PRKG1: variants seen among roughly 807,000 people sequenced by gnomAD.
PRKG1 encodes the protein cGMP-dependent protein kinase 1.
A neutral mutation model predicts 88.1 loss-of-function variants in PRKG1; 35 were observed. That is an observed-to-expected ratio of 0.40 (90% CI 0.30 to 0.53). The LOEUF (loss-of-function observed/expected upper bound fraction) is 0.53. Ranked by LOEUF, PRKG1 falls within the 20% of genes least tolerant of loss-of-function variation. The pLI, the probability that PRKG1 is intolerant of heterozygous loss-of-function variation, is 0.59. For missense variants in PRKG1, 540 were observed against 839.8 expected (o/e 0.64, Z 4.41); for synonymous variants, 303 against 292.5 (o/e 1.04, Z -0.37).
chr10:51,100,977 A>G (rs938042384), intron 1 of PRKG1, among the ~76,000 whole-genome samples: 2 of 152,200 alleles, frequency 1.3e-5, no homozygotes, highest in Non-Finnish European at 2.9e-5. Context: ...TTGAACCAAC[A>G]TGAGGATGAA....
intron 3 of PRKG1, among the ~76,000 whole-genome samples, chr10:51,650,344 G>T (rs1238199042): frequency 1.3e-5 from 2 of 151,994 alleles, no homozygotes; most frequent in East Asian, 3.9e-4. Context: ...CATCTCAATT[G>T]TGTACTCCTT....
chr10:51,364,599 G>GA, intron 2 of PRKG1, among the ~76,000 whole-genome samples: 1 of 151,794 alleles, frequency 6.6e-6, no homozygotes, highest in East Asian at 1.9e-4. Flanking sequence ...AAATAAGAGG[G>GA]AAAAACCTAA....
chr10:51,253,344 C>T (rs1465706122), intron 2 of PRKG1, among the ~76,000 whole-genome samples: 1 of 151,746 alleles, frequency 6.6e-6, no homozygotes, highest in African/African-American at 2.4e-5. Context: ...CCTTGTAAAC[C>T]TTCTGTGCTG....
chr10:51,015,802 G>A (rs947356897), intron 1 of PRKG1, among the ~76,000 whole-genome samples: 6 of 152,168 alleles, frequency 3.9e-5, no homozygotes, highest in African/African-American at 7.2e-5. Flanking sequence ...CAGGAGAATC[G>A]CTTGAACCTG....
At chr10:51,760,506 C>T (rs1284108448) in intron 3 of PRKG1, among the ~76,000 whole-genome samples, 4 of 150,918 alleles carry the variant, frequency 2.7e-5, no homozygotes, top group African/African-American at 9.8e-5. Flanking sequence ...AAGTCTTGCC[C>T]TGTCACTCAG....
chr10:51,737,740 A>AATTAATTATTATT lies in PRKG1; in HGVS notation c.593-66841_593-66840insATTATTATTATTA, dbSNP rs1554837023. Among the ~76,000 whole-genome samples the AATTAATTATTATT allele has an allele frequency of 6.7e-5, 9 of 133,422 alleles. No homozygotes were observed. The East Asian group carries it at 2.0e-3, about 29-fold the overall frequency. The allele number at this position is 133,422 out of a possible 152,430, so 87.5% of individuals were successfully genotyped here. A position where few individuals can be genotyped will look rare whatever the true frequency, so the allele number is the denominator to read the frequency against. ...TTATTTATTTATTTATTTATTTATT[A>AATTAATTATTATT]ATTATTATTATTATTATTATTATTA... On this transcript the variant is annotated intron_variant, in intron 3 of 17. Transcript: ENST00000373980.
chr10:52,179,519 T>A (rs1436853725), intron 9 of PRKG1, among the ~76,000 whole-genome samples: 1 of 152,190 alleles, frequency 6.6e-6, no homozygotes, highest in Non-Finnish European at 1.5e-5. Flanking sequence ...TTTTTAGAAT[T>A]CATTCTTTGT....
chr10:52,118,963 A>G (rs1847752118), intron 7 of PRKG1, among the ~76,000 whole-genome samples: 1 of 152,150 alleles, frequency 6.6e-6, no homozygotes, highest in South Asian at 2.1e-4. Context: ...CATTTATGAT[A>G]TATGGTTTTA....
intron 4 of PRKG1, among the ~76,000 whole-genome samples, chr10:51,901,515 C>A (rs777670285): frequency 9.2e-5 from 14 of 152,290 alleles, no homozygotes; most frequent in South Asian, 2.1e-4. Flanking sequence ...ACAAAGCCAA[C>A]TTTACAGGGT....
At chr10:51,090,549 A>G (rs1165136501) in intron 1 of PRKG1, among the ~76,000 whole-genome samples, 1 of 152,188 alleles carries the variant, frequency 6.6e-6, no homozygotes, top group Non-Finnish European at 1.5e-5. Flanking sequence ...GATGAAGTTT[A>G]TACTGAGCAC....
At chr10:51,659,146 A>G (rs1176930614) in intron 3 of PRKG1, among the ~76,000 whole-genome samples, 2 of 152,140 alleles carry the variant, frequency 1.3e-5, no homozygotes, top group Non-Finnish European at 2.9e-5. Context: ...TTTTATAAGC[A>G]TGCTTTTTAT....
Position 52,296,561 on chromosome 10 carries a change from T to A in PRKG1, c.*2661T>A, listed in dbSNP as rs1842387460. The A allele has an allele frequency of 6.6e-6, 1 of 152,078 alleles. No homozygotes were observed. The highest frequency in any genetic ancestry group is 2.4e-5 in the African/African-American group (1 of 41,446). 9.4% of individuals were successfully genotyped at this position (152,078 alleles called of 1,614,324 possible). ...AAATGCATCTCACTTTATTTCTGAA[T>A]TTTTCACAACCCCTCTATTTTCTTA... is the stretch of plus-strand genomic sequence containing the variant. On this transcript the variant is annotated 3_prime_UTR_variant, in exon 18 of 18. Coordinates refer to ENST00000373980, the MANE Select transcript of PRKG1 (RefSeq NM_006258.4).
chr10:52,070,171 G>A (rs543256446), intron 7 of PRKG1, among the ~76,000 whole-genome samples: 5 of 152,072 alleles, frequency 3.3e-5, no homozygotes, highest in East Asian at 1.9e-4. Context: ...TTATCAACTC[G>A]TTTACAAATT....
intron 8 of PRKG1, among the ~76,000 whole-genome samples, chr10:52,144,958 T>A (rs992850615): frequency 6.6e-6 from 1 of 152,162 alleles, no homozygotes; most frequent in South Asian, 2.1e-4. Flanking sequence ...AAATAATAGA[T>A]GTATGTAATA....
intron 4 of PRKG1, among the ~76,000 whole-genome samples, chr10:51,881,614 G>A (rs544181644): frequency 1.7e-4 from 26 of 152,256 alleles, no homozygotes; most frequent in Admixed American, 1.6e-3. Flanking sequence ...CTATTTATTA[G>A]TTAAGGCAAA....
At chr10:52,214,034 C>T (rs11001210) in intron 9 of PRKG1, among the ~76,000 whole-genome samples, 6,879 of 152,156 alleles carry the variant, frequency 0.045, 210 homozygotes, top group Middle Eastern at 0.082. Context: ...AATAAGCCTA[C>T]TTTTTTCACA....
intron 2 of PRKG1, among the ~76,000 whole-genome samples, chr10:51,216,513 T>G (rs1264468793): frequency 1.4e-5 from 2 of 146,746 alleles, no homozygotes; most frequent in Admixed American, 1.4e-4. Flanking sequence ...TCACTGGTTT[T>G]AAAAAACCCG....
At chr10:52,024,242 C>T (rs1037922776) in intron 5 of PRKG1, among the ~76,000 whole-genome samples, 1 of 151,980 alleles carries the variant, frequency 6.6e-6, no homozygotes, top group East Asian at 1.9e-4. Context: ...TGCCATCAAG[C>T]TACCATTAAC....
intron 12 of PRKG1, among the ~76,000 whole-genome samples, chr10:52,274,568 C>A (rs1297183394): frequency 6.7e-6 from 1 of 150,308 alleles, no homozygotes; most frequent in Non-Finnish European, 1.5e-5. Context: ...TATATATATG[C>A]CCTCATATAT....
Sources: gnomAD v4.1 joint callset for allele counts (sites outside exome capture counted in the v4.1 genomes callset) on GRCh38, gnomAD v4.1.1 for gene constraint, MANE v1.5 for transcripts, NCBI Gene and HGNC (gene_info 2026-07-23, HGNC 2026-07-21) for gene names.